DUOX2: variants seen among roughly 807,000 people sequenced by gnomAD.
DUOX2 encodes dual oxidase 2.
A neutral mutation model predicts 183.3 loss-of-function variants in DUOX2; 185 were observed. The observed-to-expected ratio is 1.01, with a 90% CI of 0.90 to 1.14. DUOX2 has a LOEUF of 1.14. DUOX2 is among the 50% of genes most tolerant of loss of function. The pLI is 0.00. For synonymous variants in DUOX2, 788 were observed against 812.4 expected (o/e 0.97, Z 0.51); for missense variants, 1,999 against 2,022.9 (o/e 0.99, Z 0.23).
chr15:45,100,113 G>A lies in DUOX2; in HGVS notation c.3121C>T (p.His1041Tyr). The change falls in exon 24 of 34, where the codon CAC becomes TAC. Residue 1041 changes from histidine (H) to tyrosine (Y), a missense_variant. Coordinates refer to ENST00000389039, the MANE Select transcript of DUOX2 (RefSeq NM_001363711.2). ...GAGAAGATTGCCACACACACGATGT[G>A]CCTCCGGTAGTTCTCCACGAAGCGC... ...YKRFVENYRR[H>Y]IVCVAIFSAI... 6.2e-7 allele frequency: 1 copy of A among 1,614,216 alleles called. No homozygotes were observed. The highest frequency in any genetic ancestry group is 1.6e-4 in the Middle Eastern group (1 of 6,062).
At chr15:45,107,923 G>A in intron 13 of DUOX2, 124 bp downstream of exon 13, 2 of 954,182 alleles carry the variant, frequency 2.1e-6, no homozygotes, top group Non-Finnish European at 3.4e-6. Flanking sequence ...GACCCAGAGG[G>A]GTTGGGAAGG....
rs531536885 is a variant in DUOX2 at position 45,099,749 on chromosome 15, G to A, written c.3328C>T (p.Arg1110Ter). 68 of 1,614,190 alleles carry A rather than the reference G, an allele frequency of 4.2e-5. No individual in the cohort carries two copies. The highest frequency in any genetic ancestry group is 3.7e-4 in the South Asian group (34 of 91,084). ...TMCRNLITFL[R>*]ETFLNRYVPF... is the part of the protein sequence containing the mutation. ...ACATAGCGGTTGAGGAAAGTCTCTCGCAGGAAGGTTATGAGGTTGCGGCAC... is the reference window on the plus strand; with the variant it reads ...ACATAGCGGTTGAGGAAAGTCTCTCACAGGAAGGTTATGAGGTTGCGGCAC... The change falls in exon 25 of 34, where the codon CGA becomes TGA. Residue 1110 changes from arginine (R) to a stop codon, truncating the protein, a stop_gained. Transcript: ENST00000389039. LOFTEE classifies it high-confidence loss of function.
Position 45,093,732 on chromosome 15 carries a change from A to G in DUOX2, c.*418T>C, listed in dbSNP as rs183535338. On this transcript the variant is annotated 3_prime_UTR_variant, in exon 34 of 34. Coordinates refer to ENST00000389039, the MANE Select transcript of DUOX2 (RefSeq NM_001363711.2). ...TGGGGAGCTATCGGAGACAAGCACT[A>G]TTGTACCTTTTCACCTCCACACTTG... is the stretch of plus-strand genomic sequence containing the variant. 168 of 242,494 alleles carry G rather than the reference A, an allele frequency of 6.9e-4. 2 individuals carry two copies. The highest frequency in any genetic ancestry group is 3.3e-3 in the South Asian group (59 of 17,628). 15.0% of individuals were successfully genotyped at this position (242,494 alleles called of 1,614,324 possible).
intron 21 of DUOX2, 59 bp from the exon 22 acceptor site, chr15:45,101,333 G>T: frequency 2.1e-6 from 3 of 1,450,426 alleles, no homozygotes; most frequent in Non-Finnish European, 2.9e-6. Flanking sequence ...GGGTAGGATG[G>T]GAGACTGTGC....
At position 45,105,742 on chromosome 15, in the gene DUOX2, A is replaced by G. The variant is rs562479824; in HGVS notation, c.2235T>C (p.His745=). 1 of 1,614,232 alleles carries G rather than the reference A, an allele frequency of 6.2e-7. No homozygotes were observed. The highest frequency in any genetic ancestry group is 2.2e-5 in the East Asian group (1 of 44,890). ...DFCVRWALGL[H]VAEMSEKELF... ...GCTCCTTCTCGCTCATCTCAGCCAC[A>G]TGGAGGCCCAGAGCCCAGCGCACGC... The change falls in exon 18 of 34, where the codon CAT becomes CAC. Residue 745 remains histidine (H), a synonymous_variant. Transcript: ENST00000389039.
At chr15:45,100,015 C>T (rs200573942) in intron 24 of DUOX2, 35 bp downstream of exon 24, 2 of 1,614,040 alleles carry the variant, frequency 1.2e-6, no homozygotes, top group South Asian at 1.1e-5. Flanking sequence ...TCAGAGCCTG[C>T]TCCCTACCCA....
chr15:45,102,064 C>T lies in DUOX2; in HGVS notation c.2655-75G>A, dbSNP rs1160075696. The T allele has an allele frequency of 1.9e-6, 3 of 1,555,204 alleles. No individual in the cohort carries two copies. The African/African-American group carries it at 4.1e-5, about 21-fold the overall frequency. On this transcript the variant is annotated intron_variant, in intron 20 of 33. Transcript: ENST00000389039. ...TTGGGTAGGTGCAGGGTGGGGCAGG[C>T]CCCAGATTATCTAATGTGGTTACCA...
rs1202267673 is a variant in DUOX2, at chr15:45,111,464, G to C, written c.635C>G (p.Pro212Arg). Residue 212 changes from proline to arginine, a missense_variant, in exon 6 of 34, where the codon CCC becomes CGC. Physicochemically the swap from Pro to Arg is moderately radical, Grantham distance 103. Around this residue, in one of 3 missense-constraint regions of DUOX2, gnomAD observed 356 missense variants for 356.4 expected, o/e 1.00. Transcript: ENST00000389039. ...QLASGPDPAF[P>R]RDSQNPLLMW... ...GAGCAGGGGGTTCTGCGAGTCTCGG[G>C]GGAAAGCGGGGTCGGGCCCCGACGC... 2.0e-5 allele frequency: 31 copies of C among 1,551,168 alleles called. No individual in the cohort carries two copies. The highest frequency in any genetic ancestry group is 2.7e-5 in the Non-Finnish European group (31 of 1,150,684).
Position 45,108,840 on chromosome 15 carries a change from C to G in DUOX2, c.1347G>C (p.Gly449=). The G allele has an allele frequency of 6.2e-7, 1 of 1,614,260 alleles. No homozygotes were observed. Among genetic ancestry groups the G allele is most frequent in the South Asian group, 1.1e-5 (1 of 91,088 alleles). The stretch of plus-strand genomic sequence containing the variant: ...CACTCCAGTTCCTTGGGATGTCCAG[C>G]CCAAAGGCCAGCAGGGCCTGGCTAT... ...PSYSQALLAF[G]LDIPRNWSDL... The change falls in exon 12 of 34, where the codon GGG becomes GGC. Residue 449 remains glycine (G), a synonymous_variant. Coordinates refer to ENST00000389039, the MANE Select transcript of DUOX2 (RefSeq NM_001363711.2).
rs765781255 is a variant in DUOX2 at position 45,094,236 on chromosome 15, C to T, written c.4561G>A (p.Gly1521Arg). The T allele has an allele frequency of 6.2e-7, 1 of 1,614,148 alleles. No homozygotes were observed. The highest frequency in any genetic ancestry group is 2.2e-5 in the East Asian group (1 of 44,888). Residue 1521 changes from glycine to arginine, a missense_variant, in exon 34 of 34, where the codon GGA becomes AGA. Physicochemically the swap from Gly to Arg is moderately radical, Grantham distance 125 (BLOSUM62 -2). This residue lies in a region of DUOX2 where 1,628 missense variants were observed against 1,608.6 expected (regional missense o/e 1.01). Coordinates refer to ENST00000389039, the MANE Select transcript of DUOX2 (RefSeq NM_001363711.2). ...KIGVFSCGPP[G>R]MTKNVEKACQ... ...GCCTTCTCTACATTCTTGGTCATTC[C>T]TGGAGGGCCGCAGCTGAACACCCCG...
At chr15:45,097,179 C>A (rs1893925349) in intron 29 of DUOX2, 59 bp downstream of exon 29, 1 of 1,611,156 alleles carries the variant, frequency 6.2e-7, no homozygotes, top group Non-Finnish European at 8.5e-7. Context: ...GAACTGTCTC[C>A]CCATGTCTGA....
Position 45,093,733 on chromosome 15 carries a change from T to C in DUOX2, c.*417A>G, listed in dbSNP as rs766338385. 15 of 243,770 alleles carry C rather than the reference T, an allele frequency of 6.2e-5. No homozygotes were observed. The highest frequency in any genetic ancestry group is 1.0e-4 in the Non-Finnish European group (12 of 120,544). 15.1% of individuals were successfully genotyped at this position (243,770 alleles called of 1,614,324 possible). On this transcript the variant is annotated 3_prime_UTR_variant, in exon 34 of 34. Transcript: ENST00000389039. ...GGGGAGCTATCGGAGACAAGCACTA[T>C]TGTACCTTTTCACCTCCACACTTGT...
chr15:45,104,098 C>A (rs372133652), intron 19 of DUOX2, 42 bp downstream of exon 19: 5 of 1,613,954 alleles, frequency 3.1e-6, no homozygotes, highest in Admixed American at 3.3e-5. Flanking sequence ...TGCTGAAAGA[C>A]CCCTGGATTC....
At chr15:45,097,520 C>A in intron 28 of DUOX2, 94 bp downstream of exon 28, 1 of 1,612,186 alleles carries the variant, frequency 6.2e-7, no homozygotes, top group Non-Finnish European at 8.5e-7. Context: ...CTCAAAGTCT[C>A]ATTCTGAGAT....
In DUOX2 at chr15:45,103,959, C is replaced by A; in HGVS notation, c.2654+1G>T. On this transcript the variant is annotated splice_donor_variant, in intron 20 of 33. Coordinates refer to ENST00000389039, the MANE Select transcript of DUOX2 (RefSeq NM_001363711.2). LOFTEE classifies it high-confidence loss of function. Reference sequence around the variant, plus strand: ...CAGGATTAGAAAGGCACACCCCATACCGCATCATGGTGAAGAATTCGTCCT... The same window carrying A: ...CAGGATTAGAAAGGCACACCCCATAACGCATCATGGTGAAGAATTCGTCCT... 1 of 1,614,144 alleles carries A rather than the reference C, an allele frequency of 6.2e-7. No individual in the cohort carries two copies. The highest frequency in any genetic ancestry group is 8.5e-7 in the Non-Finnish European group (1 of 1,180,012).
intron 20 of DUOX2, among the ~76,000 whole-genome samples, chr15:45,102,788 C>G (rs1369905397): frequency 1.3e-5 from 2 of 152,174 alleles, no homozygotes; most frequent in Non-Finnish European, 2.9e-5. Context: ...TCGAGACTAG[C>G]CTGGCCAACA....
rs1196202510 is a variant in DUOX2, at chr15:45,101,932, C to T, written c.2712G>A (p.Val904=). The stretch of plus-strand genomic sequence containing the variant: ...ATCCCGACTCCCGGAACATAGACTC[C>T]ACCACCTCGGCCAGCTGGGCCTTGG... ...CLSKAQLAEV[V]ESMFRESGFQ... Residue 904 remains valine (V), a synonymous_variant, in exon 21 of 34, where the codon GTG becomes GTA. Transcript: ENST00000389039. 1 of 1,614,246 alleles carries T rather than the reference C, an allele frequency of 6.2e-7. No homozygotes were observed. The highest frequency in any genetic ancestry group is 1.7e-5 in the Admixed American group (1 of 60,030).
intron 32 of DUOX2, 21 bp downstream of exon 32, chr15:45,094,915 G>C: frequency 8.1e-6 from 13 of 1,613,176 alleles, no homozygotes; most frequent in Non-Finnish European, 1.1e-5. Context: ...AAGTTGCCCT[G>C]CCTGGCGGGC....
In DUOX2 at chr15:45,112,001, C is replaced by T. The variant is rs543173905; in HGVS notation, c.326-46G>A. The T allele has an allele frequency of 4.4e-6, 7 of 1,601,846 alleles. No individual in the cohort carries two copies. In the Admixed American group the frequency reaches 1.2e-4, roughly 28 times the overall value. Reference sequence around the variant, plus strand: ...TACGTGACAAACCGTCCGTATTGCGCCCTCCCCACGGCCAGGGCGGCCTCC... The same window carrying T: ...TACGTGACAAACCGTCCGTATTGCGTCCTCCCCACGGCCAGGGCGGCCTCC... On this transcript the variant is annotated intron_variant, in intron 4 of 33. Coordinates refer to ENST00000389039, the MANE Select transcript of DUOX2 (RefSeq NM_001363711.2).
Sources: allele counts gnomAD v4.1 joint callset (sites outside exome capture counted in the v4.1 genomes callset), GRCh38; gene constraint gnomAD v4.1.1; regional missense constraint gnomAD v4.1.1; transcripts MANE v1.5; gene names NCBI Gene and HGNC (gene_info 2026-07-23, HGNC 2026-07-21).